The following LDLRAD4 variants were observed in gnomAD, a reference collection of about 807,000 sequenced individuals.
LDLRAD4 encodes low-density lipoprotein receptor class A domain-containing protein 4.
A neutral mutation model predicts 17.0 loss-of-function variants in LDLRAD4; 5 were observed. That is an observed-to-expected ratio of 0.29 (90% CI 0.15 to 0.62). The LOEUF is 0.62. Among genes scored for constraint, LDLRAD4 ranks in the 20% least tolerant of loss-of-function variants. LDLRAD4 has a pLI of 0.84. For missense variants in LDLRAD4, 340 were observed against 424.7 expected (o/e 0.80, Z 1.75); for synonymous variants, 168 against 171.8 (o/e 0.98, Z 0.17).
intron 3 of LDLRAD4, among the ~76,000 whole-genome samples, chr18:13,587,000 C>T (rs1276128033): frequency 1.3e-5 from 2 of 152,114 alleles, no homozygotes; most frequent in Non-Finnish European, 2.9e-5. Flanking sequence ...CCAGAGAAAT[C>T]AGATTGCCTA....
chr18:13,384,572 C>G (rs780348093), intron 1 of LDLRAD4, among the ~76,000 whole-genome samples: 3 of 152,200 alleles, frequency 2.0e-5, no homozygotes, highest in Non-Finnish European at 4.4e-5. Context: ...TTTTCTTCAT[C>G]GTTCTTCCTC....
intron 1 of LDLRAD4, among the ~76,000 whole-genome samples, chr18:13,225,789 C>G (rs1250743558): frequency 6.6e-6 from 1 of 152,088 alleles, no homozygotes; most frequent in Non-Finnish European, 1.5e-5. Flanking sequence ...ATTATAAAGT[C>G]ATTTATGTAC....
intron 3 of LDLRAD4, among the ~76,000 whole-genome samples, chr18:13,484,431 C>T (rs1227698756): frequency 6.6e-6 from 1 of 151,992 alleles, no homozygotes; most frequent in Non-Finnish European, 1.5e-5. Context: ...ATGGGGAGAC[C>T]CTGTCTCTAC....
intron 3 of LDLRAD4, among the ~76,000 whole-genome samples, chr18:13,540,334 A>G (rs2094259469): frequency 6.6e-6 from 1 of 152,274 alleles, no homozygotes; most frequent in South Asian, 2.1e-4. Flanking sequence ...CAGGGACTCA[A>G]TATTTGTAAG....
At chr18:13,416,930 C>T (rs747204959) in intron 2 of LDLRAD4, among the ~76,000 whole-genome samples, 2 of 152,178 alleles carry the variant, frequency 1.3e-5, no homozygotes, top group African/African-American at 2.4e-5. Context: ...CTCATAGCAA[C>T]GTGTGAGGTA....
chr18:13,377,983 T>G (rs1486670974), intron 1 of LDLRAD4, among the ~76,000 whole-genome samples: 1 of 152,226 alleles, frequency 6.6e-6, no homozygotes, highest in African/African-American at 2.4e-5. Flanking sequence ...AGATAATGAA[T>G]GTGAGCAAAT....
rs145015590 is a variant in LDLRAD4, at chr18:13,415,420, C to T, written c.41-22824C>T. Among the ~76,000 whole-genome samples the T allele has an allele frequency of 8.8e-3, 1,339 of 152,186 alleles. 17 individuals carry two copies. Among genetic ancestry groups the T allele is most frequent in the East Asian group, 0.052 (269 of 5,176 alleles). On this transcript the variant is annotated intron_variant, in intron 2 of 5. Coordinates refer to ENST00000359446, the Ensembl canonical transcript of LDLRAD4. ...GTGCGCCTGAGCTGATGATGTGGCT[C>T]TTCTGAACAGCTGCGGTGGCAGCCC...
At chr18:13,254,525 T>C (rs961457570) in intron 1 of LDLRAD4, among the ~76,000 whole-genome samples, 1 of 152,104 alleles carries the variant, frequency 6.6e-6, no homozygotes, top group African/African-American at 2.4e-5. Context: ...GGACCTAGAG[T>C]GCCAGCGACC....
chr18:13,336,126 G>A (rs1453219466), intron 1 of LDLRAD4, among the ~76,000 whole-genome samples: 1 of 152,122 alleles, frequency 6.6e-6, no homozygotes, highest in Non-Finnish European at 1.5e-5. Context: ...TCTTTTAACA[G>A]CCGGCTCCCA....
At chr18:13,303,178 G>A (rs1599254827) in intron 1 of LDLRAD4, among the ~76,000 whole-genome samples, 1 of 152,224 alleles carries the variant, frequency 6.6e-6, no homozygotes, top group East Asian at 1.9e-4. Context: ...GCCATGTGGT[G>A]CCTAGACCCC....
intron 2 of LDLRAD4, chr18:13,420,245 A>G (rs1485928185): frequency 5.3e-5 from 8 of 152,050 alleles, no homozygotes; most frequent in Non-Finnish European, 8.8e-5. Context: ...ATTATAAACA[A>G]ATAATCAACA....
At chr18:13,550,384 C>T (rs373598528) in intron 3 of LDLRAD4, among the ~76,000 whole-genome samples, 35 of 152,136 alleles carry the variant, frequency 2.3e-4, no homozygotes, top group Middle Eastern at 6.8e-3. Flanking sequence ...GTTGGTGTTA[C>T]GCAAATTATG....
chr18:13,468,824 G>A (rs147467532), intron 3 of LDLRAD4, among the ~76,000 whole-genome samples: 15,477 of 138,726 alleles, frequency 0.11, 905 homozygotes, highest in South Asian at 0.19. Flanking sequence ...CACAGGAAGG[G>A]GAACATCACA....
At chr18:13,342,189 A>G (rs2082407773) in intron 1 of LDLRAD4, among the ~76,000 whole-genome samples, 2 of 152,224 alleles carry the variant, frequency 1.3e-5, no homozygotes, top group South Asian at 2.1e-4. Context: ...ATTGGTTTGT[A>G]GTTTTCTTTT....
At chr18:13,352,618 A>T (rs1315430288) in intron 1 of LDLRAD4, among the ~76,000 whole-genome samples, 3 of 152,110 alleles carry the variant, frequency 2.0e-5, no homozygotes, top group Admixed American at 6.5e-5. Flanking sequence ...TTGTCAATTT[A>T]TGTATTTTCT....
intron 1 of LDLRAD4, among the ~76,000 whole-genome samples, chr18:13,383,483 G>A (rs1478838747): frequency 6.6e-6 from 1 of 152,214 alleles, no homozygotes; most frequent in African/African-American, 2.4e-5. Flanking sequence ...GGTTGTTTGG[G>A]CTGAGACTGG....
chr18:13,221,708 C>T (rs2041461991), intron 1 of LDLRAD4, among the ~76,000 whole-genome samples: 1 of 152,116 alleles, frequency 6.6e-6, no homozygotes, highest in East Asian at 1.9e-4. Context: ...TCTGTATTGT[C>T]ACATATCCAT....
intron 1 of LDLRAD4, chr18:13,241,931 A>G (rs776214045): frequency 6.6e-6 from 1 of 152,264 alleles, no homozygotes; most frequent in Non-Finnish European, 1.5e-5. Context: ...ACAGACCCTT[A>G]TGTACTGCAG....
intron 1 of LDLRAD4, among the ~76,000 whole-genome samples, chr18:13,328,083 G>A (rs778999500): frequency 1.3e-5 from 2 of 152,068 alleles, no homozygotes; most frequent in African/African-American, 2.4e-5. Context: ...TTTCAGCAAC[G>A]GCCTGATGCT....
Sources: gnomAD v4.1 joint callset for allele counts (sites outside exome capture counted in the v4.1 genomes callset) on GRCh38, gnomAD v4.1.1 for gene constraint, MANE v1.5 for transcripts, NCBI Gene and HGNC (gene_info 2026-07-23, HGNC 2026-07-21) for gene names.